ZNF546: variants seen among roughly 807,000 people sequenced by gnomAD.
ZNF546 encodes zinc finger protein 546.
ZNF546 carries 60 observed loss-of-function variants against 76.2 expected under a neutral mutation model. The ratio of observed to expected loss-of-function variants is 0.79; its 90% confidence interval spans 0.64 to 0.98. ZNF546 has a LOEUF of 0.98. ZNF546 is among the 50% of genes least tolerant of loss of function. ZNF546 has a pLI of 0.00. For missense variants in ZNF546, 936 were observed against 1,035.6 expected (o/e 0.90, Z 1.32); for synonymous variants, 277 against 328.1 (o/e 0.84, Z 1.68).
chr19:40,002,828 T>A (rs1025425002), intron 3 of ZNF546, among the ~76,000 whole-genome samples: 2 of 151,740 alleles, frequency 1.3e-5, no homozygotes, highest in Non-Finnish European at 2.9e-5. Flanking sequence ...GCTTCCTGAT[T>A]AGCTGGGACC....
Position 40,014,447 on chromosome 19 carries a change from GC to G in ZNF546, c.1179del (p.Phe394LeufsTer95), listed in dbSNP as rs1166411873. On this transcript the variant is annotated frameshift_variant, in exon 7 of 7. Coordinates refer to ENST00000347077, the MANE Select transcript of ZNF546 (RefSeq NM_178544.5). LOFTEE classifies it high-confidence loss of function. ...CTATAAATGTAATGAATGTGGGAAG[GC>G]CTTTAGTCATGGCTCATACCTTGTT... ...KPYKCNECGK[A>X]FSHGSYLVQH... The G allele has an allele frequency of 6.2e-7, 1 of 1,613,952 alleles. No homozygotes were observed. Among genetic ancestry groups the G allele is most frequent in the African/African-American group, 1.3e-5 (1 of 74,910 alleles).
intron 6 of ZNF546, 21 bp from the exon 7 acceptor site, chr19:40,013,644 T>TC: frequency 8.1e-7 from 1 of 1,238,208 alleles, no homozygotes; most frequent in East Asian, 3.1e-5. Flanking sequence ...TCTTTGCTTT[T>TC]TTTTTTTTTT....
At chr19:40,000,791 T>G (rs189275051) in intron 3 of ZNF546, among the ~76,000 whole-genome samples, 1 of 152,196 alleles carries the variant, frequency 6.6e-6, no homozygotes, top group Non-Finnish European at 1.5e-5. Context: ...CCAGGACTGG[T>G]TTCATGGAGG....
chr19:40,016,945 A>C lies in ZNF546; in HGVS notation c.*1164A>C, dbSNP rs1332474404. On this transcript the variant is annotated 3_prime_UTR_variant, in exon 7 of 7. Coordinates refer to ENST00000347077, the MANE Select transcript of ZNF546 (RefSeq NM_178544.5). ...GTATTTTTGTGAGGATGAAATGCTA[A>C]TAAAAGATAAAACCTTTAAAAGAGT... 3 of 152,236 alleles carry C rather than the reference A, an allele frequency of 2.0e-5. No homozygotes were observed. Among genetic ancestry groups the C allele is most frequent in the Admixed American group, 2.0e-4 (3 of 15,288 alleles). 9.4% of individuals were successfully genotyped at this position (152,236 alleles called of 1,614,324 possible). A position where few individuals can be genotyped will look rare whatever the true frequency, so the allele number is the denominator to read the frequency against.
rs1161760696 is a variant in ZNF546 at position 39,997,072 on chromosome 19, A to AC, written c.-216dup. 3.9e-5 allele frequency: 6 copies of AC among 152,328 alleles called. No homozygotes were observed. The highest frequency in any genetic ancestry group is 7.3e-5 in the Non-Finnish European group (5 of 68,062). 9.4% of individuals were successfully genotyped at this position (152,328 alleles called of 1,614,324 possible). ...AAGCCCCTTGGGCAGTGTTGCCTGG[A>AC]CCCCAAGGGCCCTTTACATTGCGTT... On this transcript the variant is annotated 5_prime_UTR_variant, in exon 1 of 7. Coordinates refer to ENST00000347077, the MANE Select transcript of ZNF546 (RefSeq NM_178544.5).
At chr19:40,007,823 A>C (rs980289539) in intron 5 of ZNF546, among the ~76,000 whole-genome samples, 3 of 152,186 alleles carry the variant, frequency 2.0e-5, no homozygotes, top group Admixed American at 2.0e-4. Flanking sequence ...AACAATAGTC[A>C]TTTAAAACTC....
Position 40,013,755 on chromosome 19 carries a change from G to A in ZNF546, c.485G>A (p.Ser162Asn). Residue 162 changes from serine (S) to asparagine (N), a missense_variant, in exon 7 of 7, where the codon AGT becomes AAT. By Grantham distance (46) the Ser-to-Asn change is conservative. Transcript: ENST00000347077. ...YLSQLQTGEK[S>N]KNTIHEDTIF... ...TCTCAATTGCAGACAGGGGAAAAAA[G>A]TAAAAACACCATCCATGAGGACACC... The A allele has an allele frequency of 6.2e-7, 1 of 1,606,576 alleles. No homozygotes were observed. The highest frequency in any genetic ancestry group is 8.5e-7 in the Non-Finnish European group (1 of 1,177,938).
rs2144643521 is a variant in ZNF546 at position 40,007,403 on chromosome 19, A to G, written c.298+3A>G. 15 of 1,583,324 alleles carry G rather than the reference A, an allele frequency of 9.5e-6. No homozygotes were observed. The highest frequency in any genetic ancestry group is 1.3e-5 in the Non-Finnish European group (15 of 1,165,428). On this transcript the variant is annotated splice_donor_region_variant and intron_variant, in intron 5 of 6. Transcript: ENST00000347077. ...CTACAGCAACCTGGTCTCACTGGGT[A>G]AGGTATCTTTCGAAATCGTTTACAA...
At chr19:39,997,590 C>T (rs1268969440) in intron 1 of ZNF546, among the ~76,000 whole-genome samples, 2 of 152,194 alleles carry the variant, frequency 1.3e-5, no homozygotes, top group African/African-American at 4.8e-5. Context: ...AAAACAGACT[C>T]CTGGGACGAC....
At chr19:40,003,026 G>A (rs1344644080) in intron 3 of ZNF546, among the ~76,000 whole-genome samples, 2 of 130,956 alleles carry the variant, frequency 1.5e-5, no homozygotes, top group South Asian at 2.5e-4. Context: ...TTTAAAATTT[G>A]ATTTAACTTT....
At position 40,020,391 on chromosome 19, in the gene ZNF546, T is replaced by C. The variant is rs967827722; in HGVS notation, c.*4610T>C. On this transcript the variant is annotated 3_prime_UTR_variant, in exon 7 of 7. Coordinates refer to ENST00000347077, the MANE Select transcript of ZNF546 (RefSeq NM_178544.5). The stretch of plus-strand genomic sequence containing the variant: ...AAATTATTTTTACAAATAACAATAA[T>C]TGGATGTAACAAAAAGCAGAGTATT... 2.0e-5 allele frequency: 3 copies of C among 152,190 alleles called. No homozygotes were observed. Among genetic ancestry groups the C allele is most frequent in the East Asian group, 1.9e-4 (1 of 5,206 alleles). The allele number at this position is 152,190 out of a possible 1,614,324, so 9.4% of individuals were successfully genotyped here.
chr19:40,002,091 C>T (rs898231320), intron 3 of ZNF546, among the ~76,000 whole-genome samples: 2 of 152,130 alleles, frequency 1.3e-5, no homozygotes, highest in African/African-American at 4.8e-5. Flanking sequence ...TAACCCTGCC[C>T]ATAATGGCAT....
At position 40,017,340 on chromosome 19, in the gene ZNF546, T is replaced by C. The variant is rs921555524; in HGVS notation, c.*1559T>C. 1 of 152,070 alleles carries C rather than the reference T, an allele frequency of 6.6e-6. No homozygotes were observed. Among genetic ancestry groups the C allele is most frequent in the Non-Finnish European group, 1.5e-5 (1 of 68,026 alleles). 9.4% of individuals were successfully genotyped at this position (152,070 alleles called of 1,614,324 possible). On this transcript the variant is annotated 3_prime_UTR_variant, in exon 7 of 7. Transcript: ENST00000347077. ...CGCTTTTTCTGCCCACAATGATAAA[T>C]TAAAAACAGCCACTATCCATTTGGA... is the stretch of plus-strand genomic sequence containing the variant.
rs1327318510 is a variant in ZNF546, at chr19:40,014,281, C to T, written c.1011C>T (p.Ala337=). ...ATGAATGTAAAGAATGTGGGAAGGCCTTTAGACTTCATTATCAACTAACTG... is the reference window on the plus strand; with the variant it reads ...ATGAATGTAAAGAATGTGGGAAGGCTTTTAGACTTCATTATCAACTAACTG... ...RPYECKECGK[A]FRLHYQLTEH... Residue 337 remains alanine, a synonymous_variant, in exon 7 of 7, where the codon GCC becomes GCT. Transcript: ENST00000347077. 8 of 1,613,522 alleles carry T rather than the reference C, an allele frequency of 5.0e-6. No individual in the cohort carries two copies. The African/African-American group carries it at 8.0e-5, about 16-fold the overall frequency.
At position 40,013,957 on chromosome 19, in the gene ZNF546, G is replaced by A. The variant is rs773720205; in HGVS notation, c.687G>A (p.Gln229=). Residue 229 remains glutamine, a synonymous_variant, in exon 7 of 7, where the codon CAG becomes CAA. Transcript: ENST00000347077. ...CKECRKAFRQ[Q]SYLIQHLRIH... is the part of the protein sequence containing the mutation. ...AATGTAGAAAGGCCTTTAGACAACA[G>A]TCATACCTTATTCAACATCTGAGAA... The A allele has an allele frequency of 6.2e-7, 1 of 1,612,744 alleles. No homozygotes were observed. The highest frequency in any genetic ancestry group is 1.1e-5 in the South Asian group (1 of 90,928).
rs73040542 is a variant in ZNF546, at chr19:40,016,657, C to G, written c.*876C>G. The G allele has an allele frequency of 6.6e-6, 1 of 152,130 alleles. No homozygotes were observed. 9.4% of individuals were successfully genotyped at this position (152,130 alleles called of 1,614,324 possible). A position where few individuals can be genotyped will look rare whatever the true frequency, so the allele number is the denominator to read the frequency against. On this transcript the variant is annotated 3_prime_UTR_variant, in exon 7 of 7. Transcript: ENST00000347077. ...TGCTGCAAACATTTCTAAATACTTGCTCTTGGTATCTATAACTTTTGCAGA... is the reference window on the plus strand; with the variant it reads ...TGCTGCAAACATTTCTAAATACTTGGTCTTGGTATCTATAACTTTTGCAGA...
rs1971793476 is a variant in ZNF546, at chr19:40,017,810, T to C, written c.*2029T>C. The C allele has an allele frequency of 6.6e-6, 1 of 152,182 alleles. No homozygotes were observed. The highest frequency in any genetic ancestry group is 1.5e-5 in the Non-Finnish European group (1 of 68,034). 9.4% of individuals were successfully genotyped at this position (152,182 alleles called of 1,614,324 possible). ...CTGTAATATTCAGTCTGTGTTCATA[T>C]TCTCAGTTGTGTTCATTCTTTTCAT... is the stretch of plus-strand genomic sequence containing the variant. On this transcript the variant is annotated 3_prime_UTR_variant, in exon 7 of 7. Coordinates refer to ENST00000347077, the MANE Select transcript of ZNF546 (RefSeq NM_178544.5).
Position 40,014,509 on chromosome 19 carries a change from C to T in ZNF546, c.1239C>T (p.Tyr413=), listed in dbSNP as rs755575988. ...HQKIHTGEKP[Y]ECKECGKSFS... Reference sequence around the variant, plus strand: ...AAATTCATACTGGTGAAAAACCCTACGAATGTAAAGAATGTGGTAAGTCCT... The same window carrying T: ...AAATTCATACTGGTGAAAAACCCTATGAATGTAAAGAATGTGGTAAGTCCT... Residue 413 remains tyrosine, a synonymous_variant, in exon 7 of 7, where the codon TAC becomes TAT. Coordinates refer to ENST00000347077, the MANE Select transcript of ZNF546 (RefSeq NM_178544.5). 5.0e-6 allele frequency: 8 copies of T among 1,613,276 alleles called. No homozygotes were observed. Among genetic ancestry groups the T allele is most frequent in the East Asian group, 2.2e-5 (1 of 44,816 alleles).
Position 40,006,134 on chromosome 19 carries a change from A to G in ZNF546, c.123A>G (p.Glu41=). The G allele has an allele frequency of 6.2e-7, 1 of 1,613,954 alleles. No homozygotes were observed. Among genetic ancestry groups the G allele is most frequent in the Non-Finnish European group, 8.5e-7 (1 of 1,179,942 alleles). The change falls in exon 4 of 7, where the codon GAA becomes GAG. Residue 41 remains glutamate (E), a synonymous_variant. Transcript: ENST00000347077. ...GGATTCTGTGCTTCTCCATGGAGGAAACTCAAGGAGAACTGACAAGTTCTT... is the reference window on the plus strand; with the variant it reads ...GGATTCTGTGCTTCTCCATGGAGGAGACTCAAGGAGAACTGACAAGTTCTT... The part of the protein sequence containing the change: ...FLWILCFSME[E]TQGELTSSCG...
Sources: allele counts gnomAD v4.1 joint callset (sites outside exome capture counted in the v4.1 genomes callset), GRCh38; gene constraint gnomAD v4.1.1; transcripts MANE v1.5; gene names NCBI Gene and HGNC (gene_info 2026-07-23, HGNC 2026-07-21).